The following CCDC191 variants were observed in gnomAD, a reference collection of about 807,000 sequenced individuals.
CCDC191 encodes coiled-coil domain-containing protein 191.
A neutral mutation model predicts 114.0 loss-of-function variants in CCDC191; 99 were observed. That is an observed-to-expected ratio of 0.87 (90% CI 0.74 to 1.03). The LOEUF (loss-of-function observed/expected upper bound fraction) is 1.03, where lower values mean the gene tolerates loss of function less well. Ranked by LOEUF, CCDC191 falls within the 50% of genes least tolerant of loss-of-function variation. The pLI, the probability that CCDC191 is intolerant of heterozygous loss-of-function variation, is 0.00. For synonymous variants in CCDC191, 351 were observed against 376.0 expected, an observed-to-expected ratio of 0.93 and a Z score of 0.77; for missense variants, 973 against 1,087.0, an observed-to-expected ratio of 0.90 and a Z score of 1.47.
At position 114,018,800 on chromosome 3, in the gene CCDC191, A is replaced by G. The variant is rs777942018; in HGVS notation, c.1041T>C (p.Ala347=). 2.0e-5 allele frequency: 32 copies of G among 1,613,790 alleles called. No homozygotes were observed. Among genetic ancestry groups the G allele is most frequent in the Non-Finnish European group, 2.6e-5 (31 of 1,179,870 alleles). ...ILDHRIKLGK[A]GTLSDWKIQL... ...GAATCTTCCAGTCAGACAGGGTCCC[A>G]GCTTTCCCCAGCTTAATCCTATGAT... Residue 347 remains alanine, a synonymous_variant, in exon 8 of 17, where the codon GCT becomes GCC. Coordinates refer to ENST00000295878, the MANE Select transcript of CCDC191 (RefSeq NM_020817.2).
chr3:114,039,956 G>A (rs905398361), intron 4 of CCDC191, among the ~76,000 whole-genome samples: 21 of 152,114 alleles, frequency 1.4e-4, no homozygotes, highest in African/African-American at 3.4e-4. Context: ...CTACAGTAGC[G>A]TATTTTAATA....
chr3:113,995,944 C>T (rs1352107119), intron 13 of CCDC191, among the ~76,000 whole-genome samples: 1 of 149,816 alleles, frequency 6.7e-6, no homozygotes, highest in African/African-American at 2.5e-5. Context: ...AGTGTCTGTT[C>T]ATATCCTTTG....
At chr3:113,993,558 C>G (rs888850897) in intron 13 of CCDC191, among the ~76,000 whole-genome samples, 7 of 152,184 alleles carry the variant, frequency 4.6e-5, no homozygotes, top group Middle Eastern at 3.4e-3. Flanking sequence ...AAATAAATTA[C>G]AGCATACCTC....
chr3:114,004,494 A>AT, intron 11 of CCDC191, 143 bp downstream of exon 11: 5 of 1,439,648 alleles, frequency 3.5e-6, no homozygotes, highest in Non-Finnish European at 4.6e-6. Context: ...CACTCCTCAC[A>AT]TGTCTACCAT....
intron 3 of CCDC191, among the ~76,000 whole-genome samples, chr3:114,043,931 G>C (rs1185195228): frequency 1.3e-5 from 2 of 152,108 alleles, no homozygotes; most frequent in South Asian, 2.1e-4. Context: ...CTGCAAGGAT[G>C]ATGATGCCAT....
rs77742387 is a variant in CCDC191 at position 113,968,150 on chromosome 3, A to G, written c.2607-2791T>C. Among the ~76,000 whole-genome samples the G allele has an allele frequency of 2.6e-3, 399 of 152,250 alleles. 3 individuals carry two copies. The highest frequency in any genetic ancestry group is 9.2e-3 in the African/African-American group (383 of 41,550). On this transcript the variant is annotated intron_variant, in intron 16 of 16. Transcript: ENST00000295878. The stretch of plus-strand genomic sequence containing the variant: ...TTTCCTTTCTTTTGGAGATATACCT[A>G]TTAGTGGAATTGCTGGATCATATGG...
intron 11 of CCDC191, chr3:114,003,870 C>T: frequency 1.0e-6 from 1 of 985,442 alleles, no homozygotes; most frequent in South Asian, 4.7e-5. Context: ...CCAACCACCA[C>T]ATGCAAACAT....
At chr3:114,018,477 C>G (rs1043005529) in intron 8 of CCDC191, among the ~76,000 whole-genome samples, 1 of 151,872 alleles carries the variant, frequency 6.6e-6, no homozygotes, top group South Asian at 2.1e-4. Context: ...TCCCGGCTAG[C>G]ACATTTAAAT....
chr3:114,055,077 AAAATAT>A (rs778172241), intron 1 of CCDC191, among the ~76,000 whole-genome samples: 11 of 152,140 alleles, frequency 7.2e-5, no homozygotes, highest in Non-Finnish European at 1.5e-4. Flanking sequence ...GGAGGTGGGA[AAAATAT>A]AATACTCTTT....
In CCDC191 at chr3:114,005,948, GGGCACAGCAGTCTCCTGAGAGAGA is replaced by G. The variant is rs1404175101; in HGVS notation, c.1414-10_1427del. The G allele has an allele frequency of 1.9e-6, 3 of 1,613,884 alleles. No homozygotes were observed. The highest frequency in any genetic ancestry group is 2.2e-5 in the South Asian group (2 of 91,074). ...CCAAGGGAGGCTTTTCCCACAAAGG[GGGCACAGCAGTCTCCTGAGAGAGA>G]GAAACATGTTATAGCTCAACTATTT... is the stretch of plus-strand genomic sequence containing the variant. On this transcript the variant is annotated splice_acceptor_variant and splice_polypyrimidine_tract_variant and coding_sequence_variant and intron_variant, in exon 10 of 17. Coordinates refer to ENST00000295878, the MANE Select transcript of CCDC191 (RefSeq NM_020817.2). LOFTEE classifies it high-confidence loss of function.
At chr3:114,056,245 TG>T (rs1472940106) in intron 1 of CCDC191, 131 bp downstream of exon 1, 5 of 794,676 alleles carry the variant, frequency 6.3e-6, no homozygotes, top group Non-Finnish European at 8.4e-6. Context: ...ATGCTGGCTT[TG>T]GGGCGGTCAA....
chr3:114,041,206 T>G (rs2076554836), intron 4 of CCDC191, among the ~76,000 whole-genome samples: 1 of 152,128 alleles, frequency 6.6e-6, no homozygotes, highest in Non-Finnish European at 1.5e-5. Flanking sequence ...AGTACCACAC[T>G]TTAATAATGA....
At chr3:114,046,451 G>A (rs1308474324) in intron 3 of CCDC191, 140 bp downstream of exon 3, 4 of 646,262 alleles carry the variant, frequency 6.2e-6, no homozygotes, top group African/African-American at 5.5e-5. Context: ...GTTAATTCCA[G>A]AGTAAAATAG....
At chr3:114,041,392 G>C (rs1424796176) in intron 4 of CCDC191, among the ~76,000 whole-genome samples, 2 of 152,138 alleles carry the variant, frequency 1.3e-5, no homozygotes, top group Non-Finnish European at 1.5e-5. Flanking sequence ...TCTTGAGAGA[G>C]AACATGTTAT....
At chr3:114,011,119 G>A (rs1205410395) in intron 8 of CCDC191, 98 bp from the exon 9 acceptor site, 3 of 1,321,028 alleles carry the variant, frequency 2.3e-6, no homozygotes, top group Non-Finnish European at 3.1e-6. Flanking sequence ...TTCTAGAAAT[G>A]CTCCATCTTA....
intron 11 of CCDC191, chr3:114,004,011 A>C (rs1427838326): frequency 1.3e-5 from 13 of 983,866 alleles, no homozygotes; most frequent in Non-Finnish European, 1.4e-5. Context: ...GTTCATGCCT[A>C]TAATCCCAAC....
At position 114,031,749 on chromosome 3, in the gene CCDC191, T is replaced by C. The variant is rs2076408030; in HGVS notation, c.849A>G (p.Gln283=). 4.0e-6 allele frequency: 6 copies of C among 1,482,288 alleles called. No individual in the cohort carries two copies. The highest frequency in any genetic ancestry group is 1.4e-5 in the African/African-American group (1 of 72,374). 91.8% of individuals were successfully genotyped at this position (1,482,288 alleles called of 1,614,324 possible). ...IEKKRQEENS[Q]NSSEKVMFQS... ...GAAACATGACTTTTTCTGAACTATT[T>C]TGAGAATTCTCTTCTTGCCTTTTCT... Residue 283 remains glutamine (Q), a synonymous_variant, in exon 7 of 17, where the codon CAA becomes CAG. Transcript: ENST00000295878.
intron 12 of CCDC191, 75 bp downstream of exon 12, chr3:114,002,381 G>C: frequency 9.2e-7 from 1 of 1,088,388 alleles, no homozygotes; most frequent in Non-Finnish European, 1.3e-6. Context: ...TTCTGAAAAA[G>C]CAAGGTTTCA....
intron 16 of CCDC191, among the ~76,000 whole-genome samples, chr3:113,975,552 A>G (rs1179718948): frequency 6.6e-6 from 1 of 152,244 alleles, no homozygotes. Context: ...CTGAGAACAC[A>G]GTAATGAGCA....
Sources: gnomAD v4.1 joint callset for allele counts (sites outside exome capture counted in the v4.1 genomes callset) on GRCh38, gnomAD v4.1.1 for gene constraint, MANE v1.5 for transcripts, NCBI Gene and HGNC (gene_info 2026-07-23, HGNC 2026-07-21) for gene names.